The following EIF3H variants were observed in gnomAD, a reference collection of about 807,000 sequenced individuals.
The protein encoded by EIF3H is eIF-3-gamma.
In EIF3H, 26 loss-of-function variants were observed where a neutral mutation model predicts 44.2. The ratio of observed to expected loss-of-function variants is 0.59; its 90% CI spans 0.43 to 0.82. EIF3H has a LOEUF of 0.82. EIF3H is among the 40% of genes least tolerant of loss of function. The probability of loss-of-function intolerance (pLI) is 0.00; values close to 1 mark genes in which losing one functional copy is unlikely to be tolerated. For synonymous variants in EIF3H, 166 were observed against 151.9 expected (o/e 1.09, Z -0.68); for missense variants, 359 against 432.8 (o/e 0.83, Z 1.51).
chr8:116,731,269 C>T (rs1814945940), intron 1 of EIF3H, among the ~76,000 whole-genome samples: 1 of 152,138 alleles, frequency 6.6e-6, no homozygotes, highest in South Asian at 2.1e-4. Flanking sequence ...CACATTAGAG[C>T]CATCTGGGGA....
chr8:116,729,151 C>T (rs1814909357), intron 1 of EIF3H, among the ~76,000 whole-genome samples: 1 of 152,030 alleles, frequency 6.6e-6, no homozygotes. Context: ...ATTGCTAAAC[C>T]ACTACTGAAA....
chr8:116,718,859 T>TC (rs1814696619), intron 2 of EIF3H, among the ~76,000 whole-genome samples: 1 of 151,478 alleles, frequency 6.6e-6, no homozygotes, highest in Non-Finnish European at 1.5e-5. Flanking sequence ...CACCACCTGT[T>TC]CCCCAAAAAC....
At chr8:116,706,047 G>A (rs749502614) in intron 2 of EIF3H, among the ~76,000 whole-genome samples, 3 of 150,330 alleles carry the variant, frequency 2.0e-5, no homozygotes, top group Non-Finnish European at 2.9e-5. Context: ...CACTACCACC[G>A]ATAAATCCAA....
At chr8:116,681,390 G>A (rs181410118) in intron 2 of EIF3H, among the ~76,000 whole-genome samples, 11 of 151,504 alleles carry the variant, frequency 7.3e-5, no homozygotes, top group East Asian at 3.9e-4. Context: ...CTCTATGACC[G>A]GGCACAGTGG....
chr8:116,644,873 T>C lies in EIF3H; in HGVS notation c.*133A>G. 3.1e-6 allele frequency: 2 copies of C among 654,572 alleles called. No homozygotes were observed. Among genetic ancestry groups the C allele is most frequent in the South Asian group, 2.2e-5 (1 of 45,836 alleles). 40.5% of individuals were successfully genotyped at this position (654,572 alleles called of 1,614,324 possible). On this transcript the variant is annotated 3_prime_UTR_variant, in exon 8 of 8. Transcript: ENST00000521861. ...TTTTATTATGGCTAGAAAGACACTG[T>C]TATAGCCAAAATCGGCAATGACACT...
intron 2 of EIF3H, among the ~76,000 whole-genome samples, chr8:116,695,596 G>A (rs1814257003): frequency 6.6e-6 from 1 of 152,150 alleles, no homozygotes; most frequent in Non-Finnish European, 1.5e-5. Context: ...GGGATTCAGA[G>A]ACTCAGTAAA....
chr8:116,751,939 C>G (rs1031821037), intron 1 of EIF3H, among the ~76,000 whole-genome samples: 6 of 152,134 alleles, frequency 3.9e-5, no homozygotes, highest in Non-Finnish European at 8.8e-5. Context: ...AGTCTGGCTC[C>G]AGAGCATGTA....
upstream of EIF3H, among the ~76,000 whole-genome samples, chr8:116,757,052 C>T (rs1815460556): frequency 6.6e-6 from 1 of 152,190 alleles, no homozygotes. Context: ...CTACAACATA[C>T]ATAACACAGT....
chr8:116,717,719 T>G (rs541386825), intron 2 of EIF3H, among the ~76,000 whole-genome samples: 11 of 152,220 alleles, frequency 7.2e-5, no homozygotes, highest in African/African-American at 2.6e-4. Flanking sequence ...AACTGGATCC[T>G]CATCTCTCAC....
chr8:116,647,518 G>A (rs1194622842), intron 6 of EIF3H, among the ~76,000 whole-genome samples: 3 of 152,154 alleles, frequency 2.0e-5, no homozygotes, highest in South Asian at 2.1e-4. Context: ...CCTATGATTC[G>A]CTGAAGAGAA....
At chr8:116,699,784 T>C (rs1211341330) in intron 2 of EIF3H, among the ~76,000 whole-genome samples, 1 of 145,258 alleles carries the variant, frequency 6.9e-6, no homozygotes, top group African/African-American at 2.7e-5. Flanking sequence ...TAATGGCAAA[T>C]GACAGTGCAG....
chr8:116,645,743 T>G (rs533242545), intron 7 of EIF3H, among the ~76,000 whole-genome samples: 1 of 152,336 alleles, frequency 6.6e-6, no homozygotes, highest in South Asian at 2.1e-4. Flanking sequence ...CCAAATTTAA[T>G]TTGTATGTAC....
intron 2 of EIF3H, among the ~76,000 whole-genome samples, chr8:116,692,044 ATTG>A (rs1814186879): frequency 6.6e-6 from 1 of 152,176 alleles, no homozygotes; most frequent in South Asian, 2.1e-4. Context: ...ACTGTTTCAC[ATTG>A]TTGTCAGTTT....
At chr8:116,754,699 C>A (rs1260878238) in intron 1 of EIF3H, among the ~76,000 whole-genome samples, 1 of 152,176 alleles carries the variant, frequency 6.6e-6, no homozygotes, top group Non-Finnish European at 1.5e-5. Flanking sequence ...GTGGAAGAGC[C>A]TAGAAGACTG....
chr8:116,763,326 A>G (rs1815536159), intron 1 of EIF3H, among the ~76,000 whole-genome samples: 1 of 152,242 alleles, frequency 6.6e-6, no homozygotes, highest in African/African-American at 2.4e-5. Context: ...ATATGGAAAC[A>G]TTGCCAAGAG....
chr8:116,712,636 C>G (rs1198010974), intron 2 of EIF3H, among the ~76,000 whole-genome samples: 2 of 152,048 alleles, frequency 1.3e-5, no homozygotes, highest in Non-Finnish European at 2.9e-5. Context: ...AAACACAATT[C>G]TGAAACTGCT....
At chr8:116,712,433 T>C (rs1365544160) in intron 2 of EIF3H, among the ~76,000 whole-genome samples, 2 of 152,126 alleles carry the variant, frequency 1.3e-5, no homozygotes, top group African/African-American at 2.4e-5. Context: ...TAAATATGTA[T>C]ATAAGGGTAA....
chr8:116,709,278 C>T (rs1430564020), intron 2 of EIF3H, among the ~76,000 whole-genome samples: 1 of 152,078 alleles, frequency 6.6e-6, no homozygotes, highest in Non-Finnish European at 1.5e-5. Context: ...GATAAGACAA[C>T]CCTTTGCCCA....
At chr8:116,685,777 A>C (rs1814065936) in intron 2 of EIF3H, among the ~76,000 whole-genome samples, 1 of 152,182 alleles carries the variant, frequency 6.6e-6, no homozygotes, top group South Asian at 2.1e-4. Flanking sequence ...GCAACAACCA[A>C]ATTCTACGCT....
Sources: allele counts gnomAD v4.1 joint callset (sites outside exome capture counted in the v4.1 genomes callset), GRCh38; gene constraint gnomAD v4.1.1; transcripts MANE v1.5; gene names NCBI Gene and HGNC (gene_info 2026-07-23, HGNC 2026-07-21).